COL21A1: variants seen among roughly 807,000 people sequenced by gnomAD.
The protein encoded by COL21A1 is collagen type XXI alpha 1 chain, also known as collagen alpha-1(XXI) chain.
A neutral mutation model predicts 137.9 loss-of-function variants in COL21A1; 149 were observed. The observed-to-expected ratio is 1.08, with a 90% CI of 0.95 to 1.24. The LOEUF (loss-of-function observed/expected upper bound fraction) is 1.24. COL21A1 is among the 50% of genes most tolerant of loss of function. The probability of loss-of-function intolerance (pLI) is 0.00; values close to 1 mark genes in which losing one functional copy is unlikely to be tolerated. For missense variants in COL21A1, 1,167 were observed against 1,158.4 expected, an observed-to-expected ratio of 1.01 and a Z score of -0.11; for synonymous variants, 456 against 391.5, an observed-to-expected ratio of 1.16 and a Z score of -1.95.
At chr6:56,315,648 T>TTCCCTCCTCCTTCCTCCTC in intron 1 of COL21A1, among the ~76,000 whole-genome samples, 1 of 148,756 alleles carries the variant, frequency 6.7e-6, no homozygotes, top group South Asian at 2.1e-4. Flanking sequence ...CTCCCTCTCC[T>TTCCCTCCTCCTTCCTCCTC]TCCCTCTTCC....
At position 56,150,475 on chromosome 6, in the gene COL21A1, G is replaced by A. The variant is rs561700463; in HGVS notation, c.1434+6412C>T. Among the ~76,000 whole-genome samples, 26 of 151,622 alleles carry A rather than the reference G, an allele frequency of 1.7e-4. 1 individual carries two copies. The South Asian group carries it at 4.4e-3, about 26-fold the overall frequency. On this transcript the variant is annotated intron_variant, in intron 10 of 29. Transcript: ENST00000244728. ...GGAGCTTGCAGTGAGCCGAGAGCGC[G>A]CCACTGCGCTCCAGCCTGGGCGACA...
At chr6:56,324,356 A>G (rs926563541) in intron 1 of COL21A1, among the ~76,000 whole-genome samples, 7 of 152,224 alleles carry the variant, frequency 4.6e-5, no homozygotes, top group African/African-American at 1.7e-4. Context: ...GAGCAGAGTA[A>G]GGACAAGAGG....
intron 17 of COL21A1, among the ~76,000 whole-genome samples, chr6:56,096,565 C>G (rs1363312444): frequency 6.6e-6 from 1 of 152,136 alleles, no homozygotes; most frequent in Non-Finnish European, 1.5e-5. Context: ...CTTTCAAATT[C>G]AAAGTACTGA....
intron 26 of COL21A1, 24 bp downstream of exon 26, chr6:56,060,864 TAAC>T (rs1402510804): frequency 6.3e-7 from 1 of 1,585,144 alleles, no homozygotes. Flanking sequence ...GAAAATGTAA[TAAC>T]TGTGAAAGAA....
intron 1 of COL21A1, among the ~76,000 whole-genome samples, chr6:56,253,922 G>C (rs923851643): frequency 3.9e-5 from 6 of 152,136 alleles, no homozygotes; most frequent in Non-Finnish European, 8.8e-5. Flanking sequence ...ACTTCGGAAA[G>C]CATGTTCTTA....
intron 18 of COL21A1, 31 bp from the exon 19 acceptor site, chr6:56,075,563 A>C: frequency 7.1e-7 from 1 of 1,408,374 alleles, no homozygotes; most frequent in Non-Finnish European, 9.6e-7. Context: ...AAACATTATA[A>C]ATTGTAAATT....
chr6:56,058,095 T>C (rs957371283), intron 29 of COL21A1, among the ~76,000 whole-genome samples: 1 of 99,980 alleles, frequency 1.0e-5, no homozygotes, highest in Non-Finnish European at 2.1e-5. Context: ...ACCATGCTAC[T>C]GATTAAAACA....
intron 1 of COL21A1, among the ~76,000 whole-genome samples, chr6:56,289,147 A>G (rs2152335235): frequency 6.6e-6 from 1 of 152,328 alleles, no homozygotes; most frequent in Non-Finnish European, 1.5e-5. Flanking sequence ...GGTTGCAATT[A>G]TTCATTACTG....
At chr6:56,333,364 G>C (rs1355522951) in intron 1 of COL21A1, among the ~76,000 whole-genome samples, 4 of 143,886 alleles carry the variant, frequency 2.8e-5, no homozygotes, top group Non-Finnish European at 6.1e-5. Context: ...CAGTGTTTGA[G>C]AAATTTATAC....
intron 1 of COL21A1, among the ~76,000 whole-genome samples, chr6:56,313,294 T>C (rs1005080417): frequency 6.6e-6 from 1 of 152,084 alleles, no homozygotes; most frequent in Non-Finnish European, 1.5e-5. Flanking sequence ...AGACTAGTTG[T>C]TCTCTAGTGA....
chr6:56,164,755 G>C, intron 8 of COL21A1, 59 bp downstream of exon 8: 1 of 1,387,050 alleles, frequency 7.2e-7, no homozygotes, highest in Non-Finnish European at 9.9e-7. Flanking sequence ...TTGGAAAAGA[G>C]CTAAGTGGTC....
In COL21A1 at chr6:56,188,671, C is replaced by T. The variant is rs115539806; in HGVS notation, c.-38-6015G>A. Among the ~76,000 whole-genome samples, 691 of 152,290 alleles carry T rather than the reference C, an allele frequency of 4.5e-3. 4 individuals are homozygous for T. Among genetic ancestry groups the T allele is most frequent in the African/African-American group, 0.016 (646 of 41,568 alleles). ...ACTGCCTCCTCACGTGGGTCCCTGA[C>T]GCCCGTTTATCCTGGGTCCCCAGTA... On this transcript the variant is annotated intron_variant, in intron 1 of 29. Coordinates refer to ENST00000244728, the MANE Select transcript of COL21A1 (RefSeq NM_030820.4).
At chr6:56,067,123 A>G (rs1766330665) in intron 23 of COL21A1, among the ~76,000 whole-genome samples, 172 bp downstream of exon 23, 1 of 151,546 alleles carries the variant, frequency 6.6e-6, no homozygotes, top group South Asian at 2.1e-4. Flanking sequence ...GTGGTGAGGA[A>G]TTTTAAAGTC....
At chr6:56,183,102 G>A (rs1459148836) in intron 1 of COL21A1, among the ~76,000 whole-genome samples, 2 of 152,058 alleles carry the variant, frequency 1.3e-5, no homozygotes, top group African/African-American at 4.8e-5. Flanking sequence ...TTTAAAATAA[G>A]ATGTAATTGT....
At chr6:56,171,253 T>A in intron 3 of COL21A1, 125 bp from the exon 4 acceptor site, 2 of 531,348 alleles carry the variant, frequency 3.8e-6, no homozygotes, top group Non-Finnish European at 6.4e-6. Flanking sequence ...TACATATGTA[T>A]ACAAATGTAT....
intron 17 of COL21A1, among the ~76,000 whole-genome samples, chr6:56,091,207 A>G (rs1432075548): frequency 3.3e-5 from 5 of 152,206 alleles, no homozygotes; most frequent in Admixed American, 3.3e-4. Context: ...TGATATGCCA[A>G]ATAATCACGC....
chr6:56,130,165 T>TTCTATA (rs1414609284), intron 12 of COL21A1, among the ~76,000 whole-genome samples: 2 of 107,940 alleles, frequency 1.9e-5, no homozygotes, highest in African/African-American at 7.2e-5. Flanking sequence ...TGACAGGGTT[T>TTCTATA]TATATATATA....
chr6:56,214,144 T>C (rs913143944), intron 1 of COL21A1, among the ~76,000 whole-genome samples: 1 of 152,030 alleles, frequency 6.6e-6, no homozygotes, highest in Non-Finnish European at 1.5e-5. Context: ...AGGAAAAACA[T>C]TGCAGAATTT....
At chr6:56,209,265 C>T (rs577343165) in intron 1 of COL21A1, among the ~76,000 whole-genome samples, 2 of 152,170 alleles carry the variant, frequency 1.3e-5, no homozygotes, top group Admixed American at 6.5e-5. Flanking sequence ...CAACAAAAGC[C>T]AAAATTGACA....
Sources: allele counts gnomAD v4.1 joint callset (sites outside exome capture counted in the v4.1 genomes callset), GRCh38; gene constraint gnomAD v4.1.1; transcripts MANE v1.5; gene names NCBI Gene and HGNC (gene_info 2026-07-23, HGNC 2026-07-21).